DOCK11: variants seen among roughly 807,000 people sequenced by gnomAD.
DOCK11 encodes the protein dedicator of cytokinesis protein 11.
In DOCK11, 70 loss-of-function variants were observed where a neutral mutation model predicts 169.1. That is an observed-to-expected ratio of 0.41 (90% CI 0.34 to 0.51). The LOEUF (loss-of-function observed/expected upper bound fraction) is 0.51. DOCK11 is among the 20% of genes least tolerant of loss of function. The pLI is 0.10. For missense variants in DOCK11, 1,166 were observed against 1,538.8 expected, an observed-to-expected ratio of 0.76 and a Z score of 4.05; for synonymous variants, 529 against 541.3, an observed-to-expected ratio of 0.98 and a Z score of 0.32.
chrX:118,645,885 TA>T (rs1255554011), intron 40 of DOCK11, among the ~76,000 whole-genome samples: 760 of 74,760 alleles, frequency 0.01, 12 homozygotes, highest in South Asian at 0.036. Context: ...TGTCTCTAGT[TA>T]AAAAAAAAAA....
chrX:118,653,744 A>G (rs2016001392), intron 42 of DOCK11, among the ~76,000 whole-genome samples: 1 of 111,069 alleles, frequency 9.0e-6, no homozygotes, highest in Non-Finnish European at 1.9e-5. Flanking sequence ...CATTTCCCCC[A>G]CATATTGTGT....
chrX:118,578,566 A>G lies in DOCK11; in HGVS notation c.1431A>G (p.Leu477=). ...SVTNPHPEIF[L]VARIEKVLQG... is the part of the protein sequence containing the mutation. ...CGAATCCACATCCTGAAATTTTTCT[A>G]GTTGCCAGAATTGAAAAGGTACTAC... The change falls in exon 13 of 53, where the codon CTA becomes CTG. Residue 477 remains leucine, a synonymous_variant. Transcript: ENST00000276202. 1 of 1,209,017 alleles carries G rather than the reference A, an allele frequency of 8.3e-7. No individual in the cohort carries two copies. Among genetic ancestry groups the G allele is most frequent in the Non-Finnish European group, 1.1e-6 (1 of 893,371 alleles).
At chrX:118,655,324 A>AT (rs926497851) in intron 44 of DOCK11, among the ~76,000 whole-genome samples, 2 of 97,280 alleles carry the variant, frequency 2.1e-5, no homozygotes, top group Non-Finnish European at 4.1e-5. Context: ...AATATAAAAT[A>AT]TAAAAAAAAA....
Position 118,572,472 on chromosome X carries a change from G to T in DOCK11, c.1176+9G>T, listed in dbSNP as rs1483625334. 1.7e-6 allele frequency: 2 copies of T among 1,181,182 alleles called. No homozygotes were observed. Among genetic ancestry groups the T allele is most frequent in the Non-Finnish European group, 2.3e-6 (2 of 877,484 alleles). ...AAGGACCACCCACAAATGTATGTAT[G>T]ACTTTGCCTTCTACCCCCCTTGCAT... On this transcript the variant is annotated intron_variant, in intron 11 of 52. Coordinates refer to ENST00000276202, the MANE Select transcript of DOCK11 (RefSeq NM_144658.4).
At chrX:118,553,777 T>C (rs2012584670) in intron 6 of DOCK11, among the ~76,000 whole-genome samples, 1 of 112,155 alleles carries the variant, frequency 8.9e-6, no homozygotes, top group Non-Finnish European at 1.9e-5. Context: ...GAAAATATTT[T>C]ATTTTTGATA....
chrX:118,670,666 T>G (rs757820185), intron 45 of DOCK11, among the ~76,000 whole-genome samples: 15 of 112,006 alleles, frequency 1.3e-4, no homozygotes, highest in Non-Finnish European at 2.8e-4. Flanking sequence ...ATAATAGATG[T>G]TAGACATTCA....
chrX:118,635,828 T>TA (rs1357232396), intron 35 of DOCK11, among the ~76,000 whole-genome samples: 2 of 111,926 alleles, frequency 1.8e-5, no homozygotes, highest in African/African-American at 3.2e-5. Flanking sequence ...CCTCAAGTGA[T>TA]ACGCCCACCT....
chrX:118,576,372 G>C (rs891640971), intron 12 of DOCK11, among the ~76,000 whole-genome samples: 1 of 111,783 alleles, frequency 8.9e-6, no homozygotes, highest in African/African-American at 3.3e-5. Context: ...TCCAGCCCAC[G>C]TGGGATTTCT....
At chrX:118,527,773 T>C (rs758953322) in intron 1 of DOCK11, among the ~76,000 whole-genome samples, 8 of 112,192 alleles carry the variant, frequency 7.1e-5, no homozygotes, top group South Asian at 7.3e-4. Context: ...CAGTAGATTA[T>C]AACCTTTCTT....
intron 1 of DOCK11, among the ~76,000 whole-genome samples, chrX:118,502,738 G>A (rs2057583265): frequency 9.2e-6 from 1 of 108,333 alleles, no homozygotes; most frequent in African/African-American, 3.3e-5. Context: ...GATTCATAAA[G>A]GTTAAAAAAA....
intron 51 of DOCK11, 135 bp downstream of exon 51, chrX:118,681,929 G>C (rs2016753852): frequency 2.4e-6 from 1 of 415,824 alleles, no homozygotes; most frequent in South Asian, 6.5e-5. Context: ...CAATATCTAA[G>C]TGACCTCCTA....
chrX:118,676,511 T>A, intron 47 of DOCK11, 80 bp from the exon 48 acceptor site: 1 of 506,373 alleles, frequency 2.0e-6, no homozygotes, highest in Non-Finnish European at 3.0e-6. Context: ...ATATTATTAC[T>A]AGTTATTTAG....
intron 16 of DOCK11, among the ~76,000 whole-genome samples, chrX:118,587,438 C>T (rs776666404): frequency 3.6e-5 from 4 of 111,598 alleles, no homozygotes; most frequent in Non-Finnish European, 5.7e-5. Flanking sequence ...AAAAGCAAAT[C>T]CAACAAAAAA....
intron 31 of DOCK11, among the ~76,000 whole-genome samples, chrX:118,624,251 A>C (rs773767405): frequency 1.8e-5 from 2 of 112,877 alleles, no homozygotes; most frequent in East Asian, 5.5e-4. Context: ...CAGGAATAAT[A>C]TCATCTGCTT....
intron 45 of DOCK11, 89 bp downstream of exon 45, chrX:118,662,881 T>C: frequency 1.7e-6 from 1 of 579,316 alleles, no homozygotes; most frequent in South Asian, 2.7e-5. Flanking sequence ...GCTAACCTAA[T>C]TTTGAAGGTA....
chrX:118,529,463 T>C (rs2011458618), intron 1 of DOCK11, among the ~76,000 whole-genome samples: 1 of 112,427 alleles, frequency 8.9e-6, no homozygotes, highest in Admixed American at 9.4e-5. Context: ...TTCAGTGTTT[T>C]AGAGATTGTG....
At chrX:118,648,447 ACAT>A (rs2015851573) in intron 40 of DOCK11, among the ~76,000 whole-genome samples, 2 of 96,580 alleles carry the variant, frequency 2.1e-5, no homozygotes, top group South Asian at 8.4e-4. Flanking sequence ...TTTATTGTGA[ACAT>A]CAACGTGCTG....
At chrX:118,541,608 C>T (rs1051650994) in intron 1 of DOCK11, among the ~76,000 whole-genome samples, 1 of 111,963 alleles carries the variant, frequency 8.9e-6, no homozygotes, top group Non-Finnish European at 1.9e-5. Flanking sequence ...TCAGTTAGGT[C>T]CAGAGTCTCT....
chrX:118,516,004 A>ACTATATATAT lies in DOCK11; in HGVS notation c.102+19931_102+19932insCTATATATAT, dbSNP rs1436837389. 7.3e-4 allele frequency among the ~76,000 whole-genome samples: 33 copies of ACTATATATAT among 44,941 alleles called. 2 individuals are homozygous for ACTATATATAT. The highest frequency in any genetic ancestry group is 9.2e-4 in the Non-Finnish European group (26 of 28,248). 39.0% of individuals were successfully genotyped at this position (44,941 alleles called of 115,157 possible). ...ATGTTCAAAAGTAAGGATTTGGGCA[A>ACTATATATAT]ATATATATATATATACATTCTTACA... On this transcript the variant is annotated intron_variant, in intron 1 of 52. Transcript: ENST00000276202.
Sources: allele counts gnomAD v4.1 joint callset (sites outside exome capture counted in the v4.1 genomes callset), GRCh38; gene constraint gnomAD v4.1.1; transcripts MANE v1.5; gene names NCBI Gene and HGNC (gene_info 2026-07-23, HGNC 2026-07-21).